The following HSPA12A variants were observed in gnomAD, a reference collection of about 807,000 sequenced individuals.
HSPA12A encodes heat shock 70 kDa protein 12A.
A neutral mutation model predicts 69.2 loss-of-function variants in HSPA12A; 28 were observed. The ratio of observed to expected loss-of-function variants is 0.40; its 90% confidence interval spans 0.30 to 0.55. HSPA12A has a LOEUF of 0.55. Among genes scored for constraint, HSPA12A ranks in the 20% least tolerant of loss-of-function variants. The pLI is 0.38. For missense variants in HSPA12A, 686 were observed against 900.7 expected, an observed-to-expected ratio of 0.76 and a Z score of 3.05; for synonymous variants, 345 against 370.5, an observed-to-expected ratio of 0.93 and a Z score of 0.79.
At chr10:116,837,020 A>G (rs1845726124) in intron 1 of HSPA12A, among the ~76,000 whole-genome samples, 2 of 152,116 alleles carry the variant, frequency 1.3e-5, no homozygotes, top group African/African-American at 4.8e-5. Context: ...GGAGGAATTG[A>G]TGCCTTAATT....
chr10:116,707,311 C>G, intron 1 of HSPA12A, 26 bp from the exon 2 acceptor site: 1 of 1,572,328 alleles, frequency 6.4e-7, no homozygotes. Flanking sequence ...AAGCCGCCTC[C>G]TTAGAAGTGG....
intron 1 of HSPA12A, among the ~76,000 whole-genome samples, chr10:116,845,294 A>G (rs1299406060): frequency 1.3e-5 from 2 of 152,158 alleles, no homozygotes; most frequent in Non-Finnish European, 2.9e-5. Context: ...GAATTTTGTT[A>G]TTGTTGTTAA....
intron 2 of HSPA12A, among the ~76,000 whole-genome samples, chr10:116,779,173 G>C (rs782743607): frequency 1.6e-4 from 24 of 152,188 alleles, no homozygotes; most frequent in Non-Finnish European, 2.1e-4. Context: ...TCGCAACATC[G>C]TGAGCGACAC....
Position 116,681,991 on chromosome 10 carries a change from A to C in HSPA12A, c.836-114T>G, listed in dbSNP as rs1307149679. 6 of 859,706 alleles carry C rather than the reference A, an allele frequency of 7.0e-6. No homozygotes were observed. In the Admixed American group the frequency reaches 1.3e-4, roughly 19 times the overall value. 53.3% of individuals were successfully genotyped at this position (859,706 alleles called of 1,614,324 possible). On this transcript the variant is annotated intron_variant, in intron 7 of 11. Coordinates refer to ENST00000369209, the MANE Select transcript of HSPA12A (RefSeq NM_025015.3). Reference sequence around the variant, plus strand: ...GAGATTTAGGGATGGAACATTAGTGACATTTGACCAAAATAAGTCAATACG... The same window carrying C: ...GAGATTTAGGGATGGAACATTAGTGCCATTTGACCAAAATAAGTCAATACG...
intron 2 of HSPA12A, among the ~76,000 whole-genome samples, chr10:116,798,534 G>C (rs1438598819): frequency 6.6e-6 from 1 of 152,138 alleles, no homozygotes; most frequent in African/African-American, 2.4e-5. Flanking sequence ...AAAGTTGGTA[G>C]AGAAAGCACC....
intron 2 of HSPA12A, among the ~76,000 whole-genome samples, chr10:116,816,326 T>A (rs1456314579): frequency 2.0e-5 from 3 of 152,212 alleles, no homozygotes; most frequent in Non-Finnish European, 4.4e-5. Context: ...TCAGCTGCCA[T>A]CCCCAGAGGC....
At chr10:116,736,404 A>C (rs1220118868) in intron 1 of HSPA12A, among the ~76,000 whole-genome samples, 1 of 152,162 alleles carries the variant, frequency 6.6e-6, no homozygotes. Flanking sequence ...CCCCAAACCT[A>C]GGCAAGACTC....
intron 2 of HSPA12A, among the ~76,000 whole-genome samples, chr10:116,759,269 G>C (rs577840111): frequency 1.8e-4 from 28 of 152,296 alleles, no homozygotes; most frequent in Non-Finnish European, 3.4e-4. Flanking sequence ...CCATCTCTGT[G>C]GCTCTGCCCA....
chr10:116,822,430 G>A lies in HSPA12A; in HGVS notation c.91+12505C>T, dbSNP rs937207689. Reference sequence around the variant, plus strand: ...ACATACAGAAAGCAGGAATCACCAGGACGCCCTGTGGGTTCACAGAGAAAA... The same window carrying A: ...ACATACAGAAAGCAGGAATCACCAGAACGCCCTGTGGGTTCACAGAGAAAA... On this transcript the variant is annotated intron_variant, in intron 2 of 12. Coordinates refer to the HSPA12A transcript ENST00000635765. Among the ~76,000 whole-genome samples, 3 of 152,226 alleles carry A rather than the reference G, an allele frequency of 2.0e-5. No homozygotes were observed. The East Asian group carries it at 5.8e-4, about 29-fold the overall frequency.
At position 116,672,265 on chromosome 10, in the gene HSPA12A, C is replaced by A. The variant is rs558560749; in HGVS notation, c.*2516G>T. 2.0e-5 allele frequency: 3 copies of A among 152,178 alleles called. No individual in the cohort carries two copies. The highest frequency in any genetic ancestry group is 4.4e-5 in the Non-Finnish European group (3 of 68,040). The allele number at this position is 152,178 out of a possible 1,614,324, so 9.4% of individuals were successfully genotyped here. ...TGCCCTCAGAGTGACTGCTCCGACC[C>A]GGAAGGAGAGGTCAACGACCCCTCA... is the stretch of plus-strand genomic sequence containing the variant. On this transcript the variant is annotated 3_prime_UTR_variant, in exon 12 of 12. Coordinates refer to ENST00000369209, the MANE Select transcript of HSPA12A (RefSeq NM_025015.3).
chr10:116,785,878 C>T (rs2133144322), intron 2 of HSPA12A, among the ~76,000 whole-genome samples: 1 of 152,294 alleles, frequency 6.6e-6, no homozygotes, highest in South Asian at 2.1e-4. Flanking sequence ...TCCTATTTCC[C>T]CCCCTCCCCT....
intron 2 of HSPA12A, among the ~76,000 whole-genome samples, chr10:116,748,516 T>C (rs1554888010): frequency 6.6e-6 from 1 of 152,192 alleles, no homozygotes; most frequent in African/African-American, 2.4e-5. Flanking sequence ...CCAAATATTG[T>C]CTATCTTTGG....
chr10:116,690,844 G>T (rs1258543900), intron 6 of HSPA12A, among the ~76,000 whole-genome samples: 4 of 151,940 alleles, frequency 2.6e-5, no homozygotes, highest in Admixed American at 6.6e-5. Flanking sequence ...CCTTTTCGTG[G>T]GTCACACATT....
In HSPA12A at chr10:116,782,019, A is replaced by C. The variant is rs371106977; in HGVS notation, c.91+52916T>G. ...GGGCTAGTATCCAGGATGCATAAAA[A>C]CTCCTACAAGTCAATTTCAAAAAAC... On this transcript the variant is annotated intron_variant, in intron 2 of 12. Coordinates refer to the HSPA12A transcript ENST00000635765. 4.6e-5 allele frequency among the ~76,000 whole-genome samples: 7 copies of C among 151,974 alleles called. No homozygotes were observed. The South Asian group carries it at 6.2e-4, about 14-fold the overall frequency.
At chr10:116,679,791 G>C in intron 9 of HSPA12A, 30 bp from the exon 10 acceptor site, 2 of 1,606,872 alleles carry the variant, frequency 1.2e-6, no homozygotes, top group Non-Finnish European at 1.7e-6. Context: ...GGAGGCCATG[G>C]TGTTAAAAAC....
rs532968746 is a variant in HSPA12A, at chr10:116,730,639, C to T, written c.40+11791G>A. Among the ~76,000 whole-genome samples, 4 of 152,372 alleles carry T rather than the reference C, an allele frequency of 2.6e-5. No individual in the cohort carries two copies. In the East Asian group the frequency reaches 7.7e-4, roughly 29 times the overall value. On this transcript the variant is annotated intron_variant, in intron 1 of 11. Transcript: ENST00000369209. ...TGGGGTCCCTCATGCCCCATTCCAT[C>T]TGCTGGGCTCTCTTCTCTGGGACTG...
At chr10:116,817,375 C>T (rs1174928450) in intron 2 of HSPA12A, among the ~76,000 whole-genome samples, 4 of 152,090 alleles carry the variant, frequency 2.6e-5, no homozygotes, top group African/African-American at 7.2e-5. Context: ...AACAAGGTGC[C>T]GGCTTCTGTG....
chr10:116,839,144 T>G (rs1356059627), intron 1 of HSPA12A, among the ~76,000 whole-genome samples: 2 of 152,238 alleles, frequency 1.3e-5, no homozygotes, highest in South Asian at 4.1e-4. Flanking sequence ...GAAAACGACA[T>G]CAATCTGAAC....
intron 1 of HSPA12A, among the ~76,000 whole-genome samples, chr10:116,709,870 T>G (rs938109944): frequency 6.6e-5 from 10 of 152,192 alleles, no homozygotes; most frequent in Admixed American, 6.5e-4. Context: ...ACATACTTTT[T>G]AAAAAAACTT....
Sources: allele counts gnomAD v4.1 joint callset (sites outside exome capture counted in the v4.1 genomes callset), GRCh38; gene constraint gnomAD v4.1.1; transcripts MANE v1.5; gene names NCBI Gene and HGNC (gene_info 2026-07-23, HGNC 2026-07-21).